INPP4B: variants seen among roughly 807,000 people sequenced by gnomAD.
INPP4B encodes the protein inositol polyphosphate 4-phosphatase type II.
INPP4B carries 55 observed loss-of-function variants against 122.5 expected under a neutral mutation model. The observed-to-expected ratio is 0.45, with a 90% CI of 0.36 to 0.56. The LOEUF is 0.56. INPP4B is among the 20% of genes least tolerant of loss of function. The pLI is 0.00. For missense variants in INPP4B, 1,000 were observed against 1,097.7 expected (o/e 0.91, Z 1.26); for synonymous variants, 403 against 388.7 (o/e 1.04, Z -0.43).
At chr4:142,055,668 T>C (rs989710465) in intron 25 of INPP4B, among the ~76,000 whole-genome samples, 25 of 151,926 alleles carry the variant, frequency 1.6e-4, no homozygotes, top group Admixed American at 1.4e-3. Context: ...CAACATTATA[T>C]AATCTTATTT....
intron 7 of INPP4B, among the ~76,000 whole-genome samples, chr4:142,333,277 C>T (rs1281860040): frequency 6.6e-6 from 1 of 152,136 alleles, no homozygotes; most frequent in African/African-American, 2.4e-5. Flanking sequence ...AATGCAGACT[C>T]TTAAGTCCTG....
chr4:142,346,693 TA>T (rs940345558), intron 7 of INPP4B, among the ~76,000 whole-genome samples: 8 of 151,986 alleles, frequency 5.3e-5, no homozygotes, highest in African/African-American at 1.7e-4. Context: ...AACAACTCAG[TA>T]AAATAGATCA....
At chr4:142,647,261 G>T (rs888323588) in intron 2 of INPP4B, among the ~76,000 whole-genome samples, 2 of 152,184 alleles carry the variant, frequency 1.3e-5, no homozygotes, top group African/African-American at 2.4e-5. Context: ...GGGCCTACTG[G>T]TTTTTTATCA....
chr4:142,029,212 A>G, intron 25 of INPP4B: 1 of 1,053,528 alleles, frequency 9.5e-7, no homozygotes, highest in Non-Finnish European at 1.1e-6. Context: ...TTTCATAAAT[A>G]TATCTGCCTT....
chr4:142,259,520 G>GA (rs1464438055), intron 11 of INPP4B, among the ~76,000 whole-genome samples: 6 of 150,804 alleles, frequency 4.0e-5, no homozygotes, highest in African/African-American at 1.5e-4. Context: ...GGCCAATGTG[G>GA]AAAAAATTGT....
chr4:142,499,189 A>AT (rs536913852), intron 2 of INPP4B, among the ~76,000 whole-genome samples: 45 of 152,204 alleles, frequency 3.0e-4, no homozygotes, highest in African/African-American at 9.6e-4. Flanking sequence ...CCATAAAAAC[A>AT]TTTTTTCTAT....
At chr4:142,596,665 T>C (rs569232301) in intron 2 of INPP4B, among the ~76,000 whole-genome samples, 2 of 152,236 alleles carry the variant, frequency 1.3e-5, no homozygotes, top group Non-Finnish European at 2.9e-5. Flanking sequence ...TTTATACTTG[T>C]AGTTTAATAA....
chr4:142,115,294 T>C (rs1268618945), intron 21 of INPP4B, among the ~76,000 whole-genome samples: 1 of 152,058 alleles, frequency 6.6e-6, no homozygotes, highest in East Asian at 1.9e-4. Context: ...ACATTCAAAT[T>C]CAAGAAATAC....
At chr4:142,827,573 G>A (rs1781595848) in intron 1 of INPP4B, among the ~76,000 whole-genome samples, 1 of 152,096 alleles carries the variant, frequency 6.6e-6, no homozygotes, top group East Asian at 1.9e-4. Flanking sequence ...TAAGAAAGTG[G>A]TAAACATACT....
At chr4:142,571,623 CA>C (rs919186247) in intron 2 of INPP4B, among the ~76,000 whole-genome samples, 2 of 151,930 alleles carry the variant, frequency 1.3e-5, no homozygotes, top group Non-Finnish European at 2.9e-5. Flanking sequence ...AATAAAAAAG[CA>C]AAAAATAATT....
At chr4:142,111,139 G>T (rs1789808840) in intron 22 of INPP4B, among the ~76,000 whole-genome samples, 1 of 152,026 alleles carries the variant, frequency 6.6e-6, no homozygotes, top group South Asian at 2.1e-4. Flanking sequence ...TCAAGGCAAG[G>T]AATATGCTAG....
At chr4:142,057,986 A>G (rs1189980132) in intron 25 of INPP4B, among the ~76,000 whole-genome samples, 1 of 152,054 alleles carries the variant, frequency 6.6e-6, no homozygotes, top group African/African-American at 2.4e-5. Context: ...GTAGCCTTGC[A>G]TTTTCGCCAT....
chr4:142,661,647 T>C (rs779684268), intron 2 of INPP4B, among the ~76,000 whole-genome samples: 8 of 152,342 alleles, frequency 5.3e-5, no homozygotes, highest in African/African-American at 1.2e-4. Context: ...TACAACGGGA[T>C]CTTTCTTTCA....
chr4:142,693,397 A>G (rs1266004703), intron 2 of INPP4B, among the ~76,000 whole-genome samples: 2 of 150,250 alleles, frequency 1.3e-5, no homozygotes, highest in African/African-American at 4.9e-5. Flanking sequence ...CCCTAAAACC[A>G]GTAATCTAAT....
intron 2 of INPP4B, among the ~76,000 whole-genome samples, chr4:142,569,341 T>C (rs1160934621): frequency 2.0e-5 from 3 of 151,840 alleles, no homozygotes; most frequent in African/African-American, 7.3e-5. Context: ...TATGTTGAAA[T>C]ATGTTTCTAC....
At chr4:142,236,408 T>A (rs1856709651) in intron 12 of INPP4B, among the ~76,000 whole-genome samples, 1 of 152,328 alleles carries the variant, frequency 6.6e-6, no homozygotes. Context: ...GTAGGGATAA[T>A]GTTGAAAACC....
At chr4:142,419,654 A>G (rs567330220) in intron 5 of INPP4B, among the ~76,000 whole-genome samples, 10 of 152,296 alleles carry the variant, frequency 6.6e-5, no homozygotes, top group African/African-American at 2.4e-4. Context: ...CAAAAGCTCA[A>G]ATAAGAAGCA....
chr4:142,738,080 A>G lies in INPP4B; in HGVS notation c.-253-12179T>C, dbSNP rs561626367. Among the ~76,000 whole-genome samples, 41 of 152,146 alleles carry G rather than the reference A, an allele frequency of 2.7e-4. 1 individual carries two copies. Among genetic ancestry groups the G allele is most frequent in the African/African-American group, 9.7e-4 (40 of 41,416 alleles). ...TCCTCAGGGATCTAGAACTAGAAAT[A>G]CCATTTGACCCAGCCATCCCATTAC... On this transcript the variant is annotated intron_variant, in intron 1 of 25. Coordinates refer to ENST00000262992, the MANE Select transcript of INPP4B (RefSeq NM_001101669.3).
At chr4:142,236,644 C>T (rs1856809317) in intron 12 of INPP4B, among the ~76,000 whole-genome samples, 1 of 152,078 alleles carries the variant, frequency 6.6e-6, no homozygotes, top group African/African-American at 2.4e-5. Flanking sequence ...AATCCAGTTT[C>T]CTGTCTAATT....
Sources: allele counts gnomAD v4.1 joint callset (sites outside exome capture counted in the v4.1 genomes callset), GRCh38; gene constraint gnomAD v4.1.1; transcripts MANE v1.5; gene names NCBI Gene and HGNC (gene_info 2026-07-23, HGNC 2026-07-21).